ATAD3C: variants seen among roughly 807,000 people sequenced by gnomAD.
The protein encoded by ATAD3C is ATPase family AAA domain containing 3C, also known as ATPase family AAA domain-containing protein 3C.
Under a neutral mutation model 46.3 loss-of-function variants are expected in ATAD3C, and 38 were observed. The ratio of observed to expected loss-of-function variants is 0.82; its 90% CI spans 0.63 to 1.08. The LOEUF (loss-of-function observed/expected upper bound fraction) is 1.08. Ranked by LOEUF, ATAD3C falls within the 50% of genes least tolerant of loss-of-function variation. The probability of loss-of-function intolerance (pLI) is 0.00; values close to 1 mark genes in which losing one functional copy is unlikely to be tolerated. For synonymous variants in ATAD3C, 220 were observed against 236.4 expected (o/e 0.93, Z 0.63); for missense variants, 563 against 572.7 (o/e 0.98, Z 0.17).
intron 11 of ATAD3C, among the ~76,000 whole-genome samples, chr1:1,466,788 G>A (rs373232542): frequency 1.3e-5 from 2 of 151,774 alleles, no homozygotes; most frequent in Admixed American, 6.6e-5. Context: ...TTTTCTTGAC[G>A]ACTTTTCCAA....
chr1:1,450,893 G>T lies in ATAD3C; in HGVS notation c.75+135G>T, dbSNP rs1424163825. 97 of 1,402,298 alleles carry T rather than the reference G, an allele frequency of 6.9e-5. 1 individual carries two copies. In the South Asian group the frequency reaches 1.2e-3, roughly 17 times the overall value. The allele number at this position is 1,402,298 out of a possible 1,614,324, so 86.9% of individuals were successfully genotyped here. On this transcript the variant is annotated intron_variant, in intron 1 of 11. Transcript: ENST00000378785. ...CAGTGGGGCCCAGGGCCAAGCTTGG[G>T]CGCCTCATTTCACAGAAGGAAACAA...
At chr1:1,452,768 C>T (rs2100472988) in intron 3 of ATAD3C, among the ~76,000 whole-genome samples, 1 of 146,172 alleles carries the variant, frequency 6.8e-6, no homozygotes. Context: ...CATTGCACTC[C>T]AACCTTGGGA....
rs372181219 is a variant in ATAD3C at position 1,468,376 on chromosome 1, C to T, written c.1090-8C>T. The stretch of plus-strand genomic sequence containing the variant: ...GCGGCCTCCCTCAGCTCCCTCTCTC[C>T]CCACTAGGCCACGGCGTATGCCTCC... On this transcript the variant is annotated splice_region_variant and splice_polypyrimidine_tract_variant and intron_variant, in intron 11 of 11. Transcript: ENST00000378785. 2,147 of 1,604,810 alleles carry T rather than the reference C, an allele frequency of 1.3e-3. 34 individuals are homozygous for T. Among genetic ancestry groups the T allele is most frequent in the Non-Finnish European group, 1.7e-3 (1,995 of 1,176,620 alleles).
At chr1:1,458,448 CTT>C (rs201787085) in intron 8 of ATAD3C, among the ~76,000 whole-genome samples, 1 of 146,786 alleles carries the variant, frequency 6.8e-6, no homozygotes. Flanking sequence ...CTCATTTTGT[CTT>C]TTTTTTTTTA....
intron 11 of ATAD3C, among the ~76,000 whole-genome samples, chr1:1,464,156 G>A (rs1299379998): frequency 1.3e-5 from 2 of 149,940 alleles, no homozygotes; most frequent in East Asian, 2.0e-4. Context: ...GTGGTGAGCC[G>A]AGATCGTGCC....
In ATAD3C at chr1:1,455,912, C is replaced by T; in HGVS notation, c.560C>T (p.Ala187Val). 1 of 1,613,184 alleles carries T rather than the reference C, an allele frequency of 6.2e-7. No homozygotes were observed. The highest frequency in any genetic ancestry group is 8.5e-7 in the Non-Finnish European group (1 of 1,179,692). Residue 187 changes from alanine to valine, a missense_variant, in exon 6 of 12, where the codon GCC becomes GTC. Physicochemically the swap from Ala to Val is moderately conservative, Grantham distance 64. Coordinates refer to ENST00000378785, the MANE Select transcript of ATAD3C (RefSeq NM_001039211.3). ...CCAGGCACCGGGAAGACGCTGTTTG[C>T]CAAGGTGAGAGTGCCTAGCTGAACA... The part of the protein sequence containing the change: ...GPPGTGKTLF[A>V]KKLALHSGMD...
rs1639014844 is a variant in ATAD3C at position 1,459,068 on chromosome 1, C to T, written c.742-93C>T. 3.2e-6 allele frequency: 5 copies of T among 1,564,998 alleles called. No individual in the cohort carries two copies. Among genetic ancestry groups the T allele is most frequent in the South Asian group, 2.3e-5 (2 of 85,318 alleles). ...CCGTGAAAGTGTCGCCATGTCCCTGCTCCCTGCAGGAGGGAGGCCTGTGGG... is the reference window on the plus strand; with the variant it reads ...CCGTGAAAGTGTCGCCATGTCCCTGTTCCCTGCAGGAGGGAGGCCTGTGGG... On this transcript the variant is annotated intron_variant, in intron 8 of 11. Coordinates refer to ENST00000378785, the MANE Select transcript of ATAD3C (RefSeq NM_001039211.3). The surrounding 1 kb of genome is among the most constrained non-coding windows in gnomAD (Gnocchi z 4.9).
chr1:1,454,301 G>A, intron 3 of ATAD3C, 44 bp from the exon 4 acceptor site: 5 of 1,570,896 alleles, frequency 3.2e-6, no homozygotes, highest in South Asian at 1.2e-5. Context: ...CTAGGAGGGA[G>A]GGACGGTGGG....
chr1:1,467,236 C>T (rs1243488971), intron 11 of ATAD3C, among the ~76,000 whole-genome samples: 2 of 152,078 alleles, frequency 1.3e-5, no homozygotes, highest in South Asian at 2.1e-4. Flanking sequence ...TGCTCACCCC[C>T]TTTCCTCTGC....
At chr1:1,467,487 C>G (rs1639163545) in intron 11 of ATAD3C, among the ~76,000 whole-genome samples, 1 of 152,074 alleles carries the variant, frequency 6.6e-6, no homozygotes. Context: ...TGGGCGCTGG[C>G]AGAGGGGACG....
chr1:1,460,253 TTC>T (rs1009165759), intron 9 of ATAD3C, among the ~76,000 whole-genome samples: 2 of 151,892 alleles, frequency 1.3e-5, no homozygotes, highest in African/African-American at 2.4e-5. Flanking sequence ...TTTGTATTTT[TTC>T]TTTTTTAGTA....
intron 8 of ATAD3C, among the ~76,000 whole-genome samples, chr1:1,458,315 C>T (rs1173585646): frequency 2.0e-5 from 3 of 151,720 alleles, no homozygotes; most frequent in Non-Finnish European, 4.4e-5. Context: ...GTCTCTGTCG[C>T]CCAGGCTGGA....
chr1:1,460,928 C>CGCCCCACCA lies in ATAD3C; in HGVS notation c.980+17_980+25dup, dbSNP rs1557780137. On this transcript the variant is annotated intron_variant, in intron 10 of 11. Coordinates refer to ENST00000378785, the MANE Select transcript of ATAD3C (RefSeq NM_001039211.3). ...CACAGAAGGAAAGCGGTAAGTGTCC[C>CGCCCCACCA]GCCCCACCAGCCCCCGTCCAGGGGC... is the stretch of plus-strand genomic sequence containing the variant. The CGCCCCACCA allele has an allele frequency of 1.9e-6, 3 of 1,596,956 alleles. No homozygotes were observed. Among genetic ancestry groups the CGCCCCACCA allele is most frequent in the Admixed American group, 3.4e-5 (2 of 59,124 alleles).
chr1:1,452,267 G>A, intron 2 of ATAD3C, 98 bp from the exon 3 acceptor site: 1 of 1,597,394 alleles, frequency 6.3e-7, no homozygotes, highest in Non-Finnish European at 8.6e-7. Flanking sequence ...GTCCTGGCAG[G>A]ACCAGGCTGC....
Position 1,462,602 on chromosome 1 carries a change from G to T in ATAD3C, c.983G>T (p.Arg328Leu). 6.3e-7 allele frequency: 1 copy of T among 1,594,512 alleles called. No individual in the cohort carries two copies. Among genetic ancestry groups the T allele is most frequent in the Non-Finnish European group, 8.5e-7 (1 of 1,171,222 alleles). Residue 328 changes from arginine (R) to leucine (L), a missense_variant and splice_region_variant, in exon 11 of 12, where the codon CGT becomes CTT. By Grantham distance (102) the Arg-to-Leu change is moderately radical. This residue lies in a region of ATAD3C where 273 missense variants were observed against 253.5 expected (regional missense o/e 1.08). Transcript: ENST00000378785. This position sits in a 1 kb window ranked among gnomAD's most constrained non-coding sequence, Gnocchi z 4.5. ...CCACTTGGGAACTCCTTCCCCAGGC[G>T]TCTGAAGCTGGCCCAGTTTGACTAC... ...VLKPATEGKR[R>L]LKLAQFDYGR...
rs184156814 is a variant in ATAD3C at position 1,455,786 on chromosome 1, G to C, written c.439-5G>C. On this transcript the variant is annotated splice_polypyrimidine_tract_variant and splice_region_variant and intron_variant, in intron 5 of 11. Coordinates refer to ENST00000378785, the MANE Select transcript of ATAD3C (RefSeq NM_001039211.3). ...TGTCCTCCAAGCCCCTGTCTTCCTC[G>C]GCAGCCCAGCCTGGAAGCACGGGTG... is the stretch of plus-strand genomic sequence containing the variant. 4.3e-6 allele frequency: 7 copies of C among 1,612,986 alleles called. No homozygotes were observed. Among genetic ancestry groups the C allele is most frequent in the South Asian group, 2.2e-5 (2 of 90,998 alleles).
intron 2 of ATAD3C, 96 bp from the exon 3 acceptor site, chr1:1,452,269 C>T: frequency 6.3e-7 from 1 of 1,597,926 alleles, no homozygotes; most frequent in Non-Finnish European, 8.6e-7. Flanking sequence ...CCTGGCAGGA[C>T]CAGGCTGCTG....
chr1:1,452,828 G>GC (rs1557776352), intron 3 of ATAD3C, among the ~76,000 whole-genome samples: 1 of 76,038 alleles, frequency 1.3e-5, no homozygotes, highest in East Asian at 8.9e-4. Flanking sequence ...AAGAAAGAAA[G>GC]AAAAAACAGA....
In ATAD3C at chr1:1,462,509, G is replaced by A. The variant is rs909697117; in HGVS notation, c.981-91G>A. The A allele has an allele frequency of 3.8e-6, 5 of 1,306,360 alleles. No homozygotes were observed. In the African/African-American group the frequency reaches 4.4e-5, roughly 12 times the overall value. The allele number at this position is 1,306,360 out of a possible 1,614,324, so 80.9% of individuals were successfully genotyped here. A position where few individuals can be genotyped will look rare whatever the true frequency, so the allele number is the denominator to read the frequency against. On this transcript the variant is annotated intron_variant, in intron 10 of 11. Coordinates refer to ENST00000378785, the MANE Select transcript of ATAD3C (RefSeq NM_001039211.3). This position sits in a 1 kb window ranked among gnomAD's most constrained non-coding sequence, Gnocchi z 4.5. ...TCCCTCTCAAGGGGGCATCTGGCAT[G>A]GGTGTCCGCCTGGCTGCCTGTCTTC...
Sources: gnomAD v4.1 joint callset for allele counts (sites outside exome capture counted in the v4.1 genomes callset) on GRCh38, gnomAD v4.1.1 for gene constraint, gnomAD v4.1.1 regional missense constraint, Gnocchi (gnomAD v3.1) non-coding constraint, MANE v1.5 for transcripts, NCBI Gene and HGNC (gene_info 2026-07-23, HGNC 2026-07-21) for gene names.